The following H2AC1 variants were observed in gnomAD, a reference collection of about 807,000 sequenced individuals.
H2AC1 encodes the protein H2A clustered histone 1, also known as histone H2A type 1-A.
For missense variants in H2AC1, 218 were observed against 173.8 expected (o/e 1.25, Z -1.43); for synonymous variants, 145 against 70.0 (o/e 2.07, Z -5.35).
At position 25,726,201 on chromosome 6, in the gene H2AC1, C is replaced by T. The variant is rs1760235512; in HGVS notation, c.327G>A (p.Leu109=). 3 of 1,603,804 alleles carry T rather than the reference C, an allele frequency of 1.9e-6. No homozygotes were observed. The highest frequency in any genetic ancestry group is 1.3e-5 in the African/African-American group (1 of 74,818). The change falls in exon 1 of 1, where the codon CTG becomes CTA. Residue 109 remains leucine (L), a synonymous_variant. Transcript: ENST00000297012. ...GCAGCAGCACTGCCTGAATGTTAGG[C>T]AGGACTCCGCCCTGGGCAATGGTCA... ...GGVTIAQGGV[L]PNIQAVLLPK...
Position 25,726,290 on chromosome 6 carries a change from T to C in H2AC1, c.238A>G (p.Ile80Val). 1 of 1,614,064 alleles carries C rather than the reference T, an allele frequency of 6.2e-7. No individual in the cohort carries two copies. The highest frequency in any genetic ancestry group is 8.5e-7 in the Non-Finnish European group (1 of 1,179,966). Residue 80 changes from isoleucine (I) to valine (V), a missense_variant, in exon 1 of 1, where the codon ATT (isoleucine) becomes GTT (valine). Ile to Val is a conservative substitution (Grantham distance 29). Coordinates refer to ENST00000297012, the MANE Select transcript of H2AC1 (RefSeq NM_170745.3). ...ASRDNKKTRI[I>V]PRHLQLAIRN... is the part of the protein sequence containing the mutation. ...ATCGCTAGCTGCAGGTGGCGGGGAA[T>C]AATGCGAGTTTTTTTGTTATCGCGA...
rs760346071 is a variant in H2AC1 at position 25,726,386 on chromosome 6, C to A, written c.142G>T (p.Ala48Ser). 6.2e-7 allele frequency: 1 copy of A among 1,614,148 alleles called. No homozygotes were observed. Among genetic ancestry groups the A allele is most frequent in the South Asian group, 1.1e-5 (1 of 91,076 alleles). ...GNYAERIGAG[A>S]PVYLAAVLEY... is the part of the protein sequence containing the mutation. The stretch of plus-strand genomic sequence containing the variant: ...AACACTGCCGCCAAATACACTGGTG[C>A]GCCTGCCCCTATCCGCTCTGCATAG... The change falls in exon 1 of 1, where the codon GCA becomes TCA. Residue 48 changes from alanine (A) to serine (S), a missense_variant. Ala to Ser is a moderately conservative substitution (Grantham distance 99, BLOSUM62 1). Coordinates refer to ENST00000297012, the MANE Select transcript of H2AC1 (RefSeq NM_170745.3).
In H2AC1 at chr6:25,726,370, G is replaced by C. The variant is rs375336327; in HGVS notation, c.158C>G (p.Ala53Gly). ...TGCTGTGAGATACTCTAACACTGCC[G>C]CCAAATACACTGGTGCGCCTGCCCC... Reference protein sequence around the residue: ...RIGAGAPVYLAAVLEYLTAEI... With the variant: ...RIGAGAPVYLGAVLEYLTAEI... Residue 53 changes from alanine (A) to glycine (G), a missense_variant, in exon 1 of 1, where the codon GCG (alanine) becomes GGG (glycine). By Grantham distance (60) the Ala-to-Gly change is moderately conservative. Transcript: ENST00000297012. 8.7e-6 allele frequency: 14 copies of C among 1,613,956 alleles called. No individual in the cohort carries two copies. In the East Asian group the frequency reaches 3.1e-4, roughly 36 times the overall value.
rs771009776 is a variant in H2AC1 at position 25,726,407 on chromosome 6, CAT to C, written c.119_120del (p.Tyr40CysfsTer25). 2.0e-5 allele frequency: 33 copies of C among 1,614,212 alleles called. No individual in the cohort carries two copies. The highest frequency in any genetic ancestry group is 1.7e-5 in the Non-Finnish European group (20 of 1,180,040). On this transcript the variant is annotated frameshift_variant, in exon 1 of 1. Transcript: ENST00000297012. LOFTEE classifies it low-confidence loss of function (END_TRUNC). The part of the protein sequence containing the change: ...RIHRLLRKGN[Y>X]AERIGAGAPV... Reference sequence around the variant, plus strand: ...GGTGCGCCTGCCCCTATCCGCTCTGCATAGTTTCCCTTACGAAGCAGACGATG... The same window carrying C: ...GGTGCGCCTGCCCCTATCCGCTCTGCAGTTTCCCTTACGAAGCAGACGATG...
chr6:25,726,324 G>C lies in H2AC1; in HGVS notation c.204C>G (p.Gly68=), dbSNP rs151084411. Residue 68 remains glycine, a synonymous_variant, in exon 1 of 1, where the codon GGC becomes GGG. Transcript: ENST00000297012. ...TTTTTTTGTTATCGCGAGACGCATT[G>C]CCTGCCAGCTCAAGGATTTCTGCTG... ...YLTAEILELA[G]NASRDNKKTR... The C allele has an allele frequency of 6.2e-7, 1 of 1,614,114 alleles. No homozygotes were observed. Among genetic ancestry groups the C allele is most frequent in the Non-Finnish European group, 8.5e-7 (1 of 1,180,020 alleles).
rs1014929277 is a variant in H2AC1 at position 25,726,449 on chromosome 6, G to C, written c.79C>G (p.Pro27Ala). ...SRSSRAGLQF[P>A]VGRIHRLLRK... ...AGCAGACGATGGATCCGGCCTACGG[G>C]AAACTGCAAACCCGCTCTAGAAGAG... The change falls in exon 1 of 1, where the codon CCC (proline) becomes GCC (alanine). Residue 27 changes from proline (P) to alanine (A), a missense_variant. Physicochemically the swap from Pro to Ala is conservative, Grantham distance 27. Transcript: ENST00000297012. The C allele has an allele frequency of 6.2e-7, 1 of 1,613,980 alleles. No homozygotes were observed. The highest frequency in any genetic ancestry group is 8.5e-7 in the Non-Finnish European group (1 of 1,180,024).
At position 25,726,554 on chromosome 6, in the gene H2AC1, G is replaced by A. The variant is rs139391262; in HGVS notation, c.-27C>T. On this transcript the variant is annotated 5_prime_UTR_variant, in exon 1 of 1. Transcript: ENST00000297012. ...TCCTCGCATCAAATTGCAGCAACACGAGAACCACATTTCTAGGGCTGCTAC... is the reference window on the plus strand; with the variant it reads ...TCCTCGCATCAAATTGCAGCAACACAAGAACCACATTTCTAGGGCTGCTAC... The A allele has an allele frequency of 2.6e-4, 409 of 1,588,938 alleles. 2 individuals are homozygous for A. In the African/African-American group the frequency reaches 4.2e-3, roughly 16 times the overall value.
rs776238056 is a variant in H2AC1, at chr6:25,726,390, T to G, written c.138A>C (p.Ala46=). ...RKGNYAERIG[A]GAPVYLAAVL... is the part of the protein sequence containing the mutation. ...CTGCCGCCAAATACACTGGTGCGCC[T>G]GCCCCTATCCGCTCTGCATAGTTTC... is the stretch of plus-strand genomic sequence containing the variant. The change falls in exon 1 of 1, where the codon GCA becomes GCC. Residue 46 remains alanine (A), a synonymous_variant. Coordinates refer to ENST00000297012, the MANE Select transcript of H2AC1 (RefSeq NM_170745.3). The G allele has an allele frequency of 1.1e-5, 17 of 1,614,174 alleles. No homozygotes were observed. Among genetic ancestry groups the G allele is most frequent in the Admixed American group, 6.7e-5 (4 of 60,022 alleles).
At position 25,726,364 on chromosome 6, in the gene H2AC1, A is replaced by G. The variant is rs573588303; in HGVS notation, c.164T>C (p.Val55Ala). The change falls in exon 1 of 1, where the codon GTG (valine) becomes GCG (alanine). Residue 55 changes from valine (V) to alanine (A), a missense_variant. Transcript: ENST00000297012. ...GATTTCTGCTGTGAGATACTCTAACACTGCCGCCAAATACACTGGTGCGCC... is the reference window on the plus strand; with the variant it reads ...GATTTCTGCTGTGAGATACTCTAACGCTGCCGCCAAATACACTGGTGCGCC... ...GAGAPVYLAA[V>A]LEYLTAEILE... 25 of 1,614,152 alleles carry G rather than the reference A, an allele frequency of 1.5e-5. No homozygotes were observed. The East Asian group carries it at 3.3e-4, about 22-fold the overall frequency.
At position 25,726,120 on chromosome 6, in the gene H2AC1, G is replaced by T; in HGVS notation, c.*12C>A. On this transcript the variant is annotated 3_prime_UTR_variant, in exon 1 of 1. Coordinates refer to ENST00000297012, the MANE Select transcript of H2AC1 (RefSeq NM_170745.3). Reference sequence around the variant, plus strand: ...CTGACACAGAAGTCTTTTTACCAATGACAACCTTAAGTTACTTGCTTTGGG... The same window carrying T: ...CTGACACAGAAGTCTTTTTACCAATTACAACCTTAAGTTACTTGCTTTGGG... 2 of 1,508,086 alleles carry T rather than the reference G, an allele frequency of 1.3e-6. No homozygotes were observed. The highest frequency in any genetic ancestry group is 2.8e-5 in the South Asian group (2 of 72,000). 93.4% of individuals were successfully genotyped at this position (1,508,086 alleles called of 1,614,324 possible).
Position 25,726,509 on chromosome 6 carries a change from G to C in H2AC1, c.19C>G (p.Gln7Glu), listed in dbSNP as rs1213445630. ...GACTTGGCGCGTGCTTTTCCTCCCTGCTTCCCTCGTCCAGACATCTCCTCG... is the reference window on the plus strand; with the variant it reads ...GACTTGGCGCGTGCTTTTCCTCCCTCCTTCCCTCGTCCAGACATCTCCTCG... Reference protein sequence around the residue: MSGRGKQGGKARAKSKS... With the variant: MSGRGKEGGKARAKSKS... Residue 7 changes from glutamine to glutamate, a missense_variant, in exon 1 of 1, where the codon CAG becomes GAG. Physicochemically the swap from Gln to Glu is conservative, Grantham distance 29. Coordinates refer to ENST00000297012, the MANE Select transcript of H2AC1 (RefSeq NM_170745.3). The C allele has an allele frequency of 1.2e-6, 2 of 1,610,354 alleles. No homozygotes were observed. The highest frequency in any genetic ancestry group is 1.7e-6 in the Non-Finnish European group (2 of 1,177,436).
chr6:25,726,318 C>A lies in H2AC1; in HGVS notation c.210G>T (p.Ala70=). ...TGCGAGTTTTTTTGTTATCGCGAGA[C>A]GCATTGCCTGCCAGCTCAAGGATTT... ...TAEILELAGN[A]SRDNKKTRII... The change falls in exon 1 of 1, where the codon GCG becomes GCT. Residue 70 remains alanine, a synonymous_variant. Transcript: ENST00000297012. 1 of 1,614,098 alleles carries A rather than the reference C, an allele frequency of 6.2e-7. No individual in the cohort carries two copies. The highest frequency in any genetic ancestry group is 8.5e-7 in the Non-Finnish European group (1 of 1,180,018).
At position 25,726,188 on chromosome 6, in the gene H2AC1, C is replaced by T. The variant is rs780173095; in HGVS notation, c.340G>A (p.Ala114Thr). ...TCAGTCTTCTTGGGCAGCAGCACTG[C>T]CTGAATGTTAGGCAGGACTCCGCCC... is the stretch of plus-strand genomic sequence containing the variant. Reference protein sequence around the residue: ...AQGGVLPNIQAVLLPKKTESH... With the variant: ...AQGGVLPNIQTVLLPKKTESH... The change falls in exon 1 of 1, where the codon GCA becomes ACA. Residue 114 changes from alanine (A) to threonine (T), a missense_variant. By Grantham distance (58) the Ala-to-Thr change is moderately conservative. Coordinates refer to ENST00000297012, the MANE Select transcript of H2AC1 (RefSeq NM_170745.3). The T allele has an allele frequency of 6.3e-7, 1 of 1,597,880 alleles. No homozygotes were observed.
rs765445179 is a variant in H2AC1, at chr6:25,726,488, T to G, written c.40A>C (p.Lys14Gln). ...GCTCTAGAAGAGCGAGACTTAGACT[T>G]GGCGCGTGCTTTTCCTCCCTGCTTC... Reference protein sequence around the residue: ...RGKQGGKARAKSKSRSSRAGL... With the variant: ...RGKQGGKARAQSKSRSSRAGL... Residue 14 changes from lysine (K) to glutamine (Q), a missense_variant, in exon 1 of 1, where the codon AAG (lysine) becomes CAG (glutamine). Physicochemically the swap from Lys to Gln is moderately conservative, Grantham distance 53. Transcript: ENST00000297012. The G allele has an allele frequency of 2.5e-6, 4 of 1,612,552 alleles. No homozygotes were observed. Among genetic ancestry groups the G allele is most frequent in the Non-Finnish European group, 3.4e-6 (4 of 1,178,996 alleles).
Position 25,726,396 on chromosome 6 carries a change from T to TA in H2AC1, c.131dup (p.Gly45ArgfsTer21), listed in dbSNP as rs1760245479. 6.2e-7 allele frequency: 1 copy of TA among 1,614,066 alleles called. No individual in the cohort carries two copies. The highest frequency in any genetic ancestry group is 8.5e-7 in the Non-Finnish European group (1 of 1,180,042). ...CCAAATACACTGGTGCGCCTGCCCCTATCCGCTCTGCATAGTTTCCCTTAC... is the reference window on the plus strand; with the variant it reads ...CCAAATACACTGGTGCGCCTGCCCCTAATCCGCTCTGCATAGTTTCCCTTAC... On this transcript the variant is annotated frameshift_variant, in exon 1 of 1. Transcript: ENST00000297012. LOFTEE classifies it low-confidence loss of function (END_TRUNC).
In H2AC1 at chr6:25,726,499, T is replaced by C; in HGVS notation, c.29A>G (p.Lys10Arg). Reference sequence around the variant, plus strand: ...GCGAGACTTAGACTTGGCGCGTGCTTTTCCTCCCTGCTTCCCTCGTCCAGA... The same window carrying C: ...GCGAGACTTAGACTTGGCGCGTGCTCTTCCTCCCTGCTTCCCTCGTCCAGA... MSGRGKQGGKARAKSKSRSS... is the reference protein window; with the variant it reads MSGRGKQGGRARAKSKSRSS... The change falls in exon 1 of 1, where the codon AAA (lysine) becomes AGA (arginine). Residue 10 changes from lysine (K) to arginine (R), a missense_variant. Transcript: ENST00000297012. The C allele has an allele frequency of 1.9e-6, 3 of 1,611,460 alleles. No homozygotes were observed. The highest frequency in any genetic ancestry group is 2.2e-5 in the East Asian group (1 of 44,784).
rs1299382771 is a variant in H2AC1, at chr6:25,726,369, C to T, written c.159G>A (p.Ala53=). 3.7e-6 allele frequency: 6 copies of T among 1,614,042 alleles called. No homozygotes were observed. The highest frequency in any genetic ancestry group is 3.3e-5 in the South Asian group (3 of 91,082). Residue 53 remains alanine (A), a synonymous_variant, in exon 1 of 1, where the codon GCG becomes GCA. Transcript: ENST00000297012. The part of the protein sequence containing the change: ...RIGAGAPVYL[A]AVLEYLTAEI... ...CTGCTGTGAGATACTCTAACACTGC[C>T]GCCAAATACACTGGTGCGCCTGCCC...
chr6:25,726,072 C>T lies in H2AC1; in HGVS notation c.*60G>A, dbSNP rs1405392924. 6.2e-6 allele frequency: 9 copies of T among 1,451,750 alleles called. No individual in the cohort carries two copies. The highest frequency in any genetic ancestry group is 1.8e-4 in the Middle Eastern group (1 of 5,490). The allele number at this position is 1,451,750 out of a possible 1,614,324, so 89.9% of individuals were successfully genotyped here. On this transcript the variant is annotated 3_prime_UTR_variant, in exon 1 of 1. Transcript: ENST00000297012. ...CCTTTTTCTGAGACGGTAGGTGGCTCTGAAAAGAGCCTTTTGTTTTTTCTG... is the reference window on the plus strand; with the variant it reads ...CCTTTTTCTGAGACGGTAGGTGGCTTTGAAAAGAGCCTTTTGTTTTTTCTG...
At position 25,726,204 on chromosome 6, in the gene H2AC1, G is replaced by A. The variant is rs778835363; in HGVS notation, c.324C>T (p.Val108=). The part of the protein sequence containing the change: ...LGGVTIAQGG[V]LPNIQAVLLP... ...GCAGCACTGCCTGAATGTTAGGCAG[G>A]ACTCCGCCCTGGGCAATGGTCACGC... Residue 108 remains valine, a synonymous_variant, in exon 1 of 1, where the codon GTC becomes GTT. Coordinates refer to ENST00000297012, the MANE Select transcript of H2AC1 (RefSeq NM_170745.3). 1.9e-6 allele frequency: 3 copies of A among 1,606,052 alleles called. No homozygotes were observed. The highest frequency in any genetic ancestry group is 2.7e-5 in the African/African-American group (2 of 74,722).
Sources: allele counts gnomAD v4.1 joint callset, GRCh38; gene constraint gnomAD v4.1.1; transcripts MANE v1.5; gene names NCBI Gene and HGNC (gene_info 2026-07-23, HGNC 2026-07-21).